TNS3: variants seen among roughly 807,000 people sequenced by gnomAD.
TNS3 encodes the protein tensin-3.
Under a neutral mutation model 140.9 loss-of-function variants are expected in TNS3, and 45 were observed. The observed-to-expected ratio is 0.32, with a 90% CI of 0.25 to 0.41. The LOEUF (loss-of-function observed/expected upper bound fraction) is 0.41. Among genes scored for constraint, TNS3 ranks in the 10% least tolerant of loss-of-function variants. The pLI, the probability that TNS3 is intolerant of heterozygous loss-of-function variation, is 1.00. For synonymous variants in TNS3, 815 were observed against 788.4 expected, an observed-to-expected ratio of 1.03 and a Z score of -0.56; for missense variants, 1,716 against 1,906.7, an observed-to-expected ratio of 0.90 and a Z score of 1.86.
chr7:47,348,435 C>A (rs1230679945), intron 17 of TNS3, among the ~76,000 whole-genome samples: 1 of 152,164 alleles, frequency 6.6e-6, no homozygotes, highest in African/African-American at 2.4e-5. Context: ...TCAGAGGTCA[C>A]TTCTAGAGAG....
In TNS3 at chr7:47,344,929, G is replaced by T. The variant is rs370229723; in HGVS notation, c.2561C>A (p.Pro854Gln). The change falls in exon 19 of 31, where the codon CCG (proline) becomes CAG (glutamine). Residue 854 changes from proline to glutamine, a missense_variant. Coordinates refer to ENST00000311160, the MANE Select transcript of TNS3 (RefSeq NM_022748.12). Reference sequence around the variant, plus strand: ...TAGTGTTACTTCATTCTTACCATACGGTGTCTCTGGAGACACAGGAAATGC... The same window carrying T: ...TAGTGTTACTTCATTCTTACCATACTGTGTCTCTGGAGACACAGGAAATGC... Reference protein sequence around the residue: ...TPAFPVSPETPYVKTALRHPP... With the variant: ...TPAFPVSPETQYVKTALRHPP... The T allele has an allele frequency of 1.2e-6, 2 of 1,613,338 alleles. No homozygotes were observed. Among genetic ancestry groups the T allele is most frequent in the Non-Finnish European group, 1.7e-6 (2 of 1,179,312 alleles).
chr7:47,328,177 G>C (rs1300001490), intron 20 of TNS3, among the ~76,000 whole-genome samples: 1 of 152,118 alleles, frequency 6.6e-6, no homozygotes, highest in Non-Finnish European at 1.5e-5. Flanking sequence ...CGTGCAGGGG[G>C]CGGGGCGGCC....
chr7:47,278,271 G>A (rs1364273868), intron 30 of TNS3, 51 bp from the exon 31 acceptor site: 1 of 1,568,388 alleles, frequency 6.4e-7, no homozygotes. Context: ...AAAGTACCAA[G>A]CTTCTACTTC....
At chr7:47,467,157 C>T (rs920694881) in intron 4 of TNS3, among the ~76,000 whole-genome samples, 3 of 152,220 alleles carry the variant, frequency 2.0e-5, no homozygotes, top group Non-Finnish European at 4.4e-5. Flanking sequence ...CCCTCATCTT[C>T]CATGACCCCA....
intron 23 of TNS3, among the ~76,000 whole-genome samples, chr7:47,297,904 A>G (rs1028880831): frequency 3.3e-5 from 5 of 149,342 alleles, no homozygotes; most frequent in Non-Finnish European, 7.4e-5. Flanking sequence ...CTCCTGCCTC[A>G]GCCTCCGGAG....
chr7:47,582,486 C>G, upstream of TNS3: 1 of 456,602 alleles, frequency 2.2e-6, no homozygotes, highest in Non-Finnish European at 4.4e-6. Flanking sequence ...TCATTCAGCG[C>G]CTGTGATTAA....
At chr7:47,426,269 G>A (rs755464414) in intron 9 of TNS3, among the ~76,000 whole-genome samples, 5 of 152,150 alleles carry the variant, frequency 3.3e-5, no homozygotes, top group Non-Finnish European at 5.9e-5. Flanking sequence ...GCAACAGAGT[G>A]AGACTCTGTC....
chr7:47,475,696 T>G (rs1376745338), intron 4 of TNS3, among the ~76,000 whole-genome samples: 1 of 152,036 alleles, frequency 6.6e-6, no homozygotes, highest in Non-Finnish European at 1.5e-5. Context: ...GCTTGCAGAG[T>G]GTATGAAGGT....
chr7:47,579,891 AC>A, intron 1 of TNS3: 1 of 980,990 alleles, frequency 1.0e-6, no homozygotes, highest in South Asian at 4.7e-5. Flanking sequence ...CTTCAGCAAC[AC>A]CTCCTGCAGT....
intron 3 of TNS3, among the ~76,000 whole-genome samples, chr7:47,500,095 A>G (rs1042682585): frequency 2.6e-5 from 4 of 152,230 alleles, no homozygotes; most frequent in East Asian, 1.9e-4. Context: ...ACACACACAC[A>G]CGCACACACA....
At chr7:47,513,229 G>A (rs1291272186) in intron 2 of TNS3, among the ~76,000 whole-genome samples, 1 of 152,046 alleles carries the variant, frequency 6.6e-6, no homozygotes, top group African/African-American at 2.4e-5. Context: ...GAGTGCAGTG[G>A]CATGATCATA....
Position 47,481,706 on chromosome 7 carries a change from T to C in TNS3, c.-114-565A>G, listed in dbSNP as rs79621478. On this transcript the variant is annotated intron_variant, in intron 3 of 30. Transcript: ENST00000311160. ...GGGAGAGGAGACTTTGACTCCACCATAGTCTCTGAAGACCGAGAGCTCCCT... is the reference window on the plus strand; with the variant it reads ...GGGAGAGGAGACTTTGACTCCACCACAGTCTCTGAAGACCGAGAGCTCCCT... The C allele has an allele frequency of 4.1e-3, 4,038 of 985,340 alleles. 101 individuals are homozygous for C. In the African/African-American group the frequency reaches 0.064, roughly 16 times the overall value. The allele number at this position is 985,340 out of a possible 1,614,324, so 61.0% of individuals were successfully genotyped here.
intron 2 of TNS3, among the ~76,000 whole-genome samples, chr7:47,525,854 A>G (rs1377423094): frequency 6.6e-6 from 1 of 152,224 alleles, no homozygotes; most frequent in Non-Finnish European, 1.5e-5. Context: ...CCCCTCCGTA[A>G]TATTTCACAC....
rs137956214 is a variant in TNS3 at position 47,433,689 on chromosome 7, ACTT to A, written c.324+1590_324+1592del. Reference sequence around the variant, plus strand: ...GGTCTGGGTGTGCCCTAGAACCTGCACTTTCCACAGGTGCTGCTGCTGGGCCCA... The same window carrying A: ...GGTCTGGGTGTGCCCTAGAACCTGCATCCACAGGTGCTGCTGCTGGGCCCA... On this transcript the variant is annotated intron_variant, in intron 8 of 30. Transcript: ENST00000311160. 3.3e-5 allele frequency among the ~76,000 whole-genome samples: 5 copies of A among 152,294 alleles called. No homozygotes were observed. In the East Asian group the frequency reaches 9.7e-4, roughly 29 times the overall value.
At chr7:47,324,762 T>A (rs1787934798) in intron 20 of TNS3, among the ~76,000 whole-genome samples, 1 of 152,184 alleles carries the variant, frequency 6.6e-6, no homozygotes, top group South Asian at 2.1e-4. Flanking sequence ...AATAAATGAA[T>A]AAATATTTTT....
At chr7:47,437,745 TAC>T (rs67341898) in intron 6 of TNS3, among the ~76,000 whole-genome samples, 3,674 of 135,736 alleles carry the variant, frequency 0.027, 64 homozygotes, top group Middle Eastern at 0.057. Context: ...ACATATAGGA[TAC>T]ACACACACAC....
At chr7:47,397,348 G>A (rs1019042087) in intron 15 of TNS3, among the ~76,000 whole-genome samples, 5 of 152,102 alleles carry the variant, frequency 3.3e-5, no homozygotes, top group Admixed American at 1.3e-4. Context: ...GTATTTAAAG[G>A]TTTTTGCCTA....
At chr7:47,388,225 C>T (rs1408600985) in intron 16 of TNS3, among the ~76,000 whole-genome samples, 1 of 152,140 alleles carries the variant, frequency 6.6e-6, no homozygotes, top group East Asian at 1.9e-4. Flanking sequence ...CCTCATTACA[C>T]CAGGGTCTAC....
chr7:47,412,882 T>C lies in TNS3; in HGVS notation c.647+1055A>G, dbSNP rs1793854333. Reference sequence around the variant, plus strand: ...TTGAATTAGGTATTGTTATGTAATCTAGAGATGATTTAAAGTATACAGGAG... The same window carrying C: ...TTGAATTAGGTATTGTTATGTAATCCAGAGATGATTTAAAGTATACAGGAG... On this transcript the variant is annotated intron_variant, in intron 12 of 30. Coordinates refer to ENST00000311160, the MANE Select transcript of TNS3 (RefSeq NM_022748.12). Among the ~76,000 whole-genome samples the C allele has an allele frequency of 2.6e-5, 4 of 152,368 alleles. No individual in the cohort carries two copies. In the South Asian group the frequency reaches 6.2e-4, roughly 24 times the overall value.
Sources: allele counts gnomAD v4.1 joint callset (sites outside exome capture counted in the v4.1 genomes callset), GRCh38; gene constraint gnomAD v4.1.1; transcripts MANE v1.5; gene names NCBI Gene and HGNC (gene_info 2026-07-23, HGNC 2026-07-21).